The following SLC35D1 variants were observed in gnomAD, a reference collection of about 807,000 sequenced individuals.
The protein encoded by SLC35D1 is nucleotide sugar transporter SLC35D1.
SLC35D1 carries 31 observed loss-of-function variants against 46.7 expected under a neutral mutation model. The ratio of observed to expected loss-of-function variants is 0.66; its 90% CI spans 0.50 to 0.90. The LOEUF (loss-of-function observed/expected upper bound fraction) is 0.90, where lower values mean the gene tolerates loss of function less well. SLC35D1 is among the 40% of genes least tolerant of loss of function. The probability of loss-of-function intolerance (pLI) is 0.00; values close to 1 mark genes in which losing one functional copy is unlikely to be tolerated. For missense variants in SLC35D1, 397 were observed against 426.2 expected, an observed-to-expected ratio of 0.93 and a Z score of 0.60; for synonymous variants, 195 against 164.6, an observed-to-expected ratio of 1.18 and a Z score of -1.41.
intron 11 of SLC35D1, among the ~76,000 whole-genome samples, chr1:67,007,412 A>G (rs1667473577): frequency 6.6e-6 from 1 of 152,082 alleles, no homozygotes; most frequent in African/African-American, 2.4e-5. Context: ...CTACCTCCTA[A>G]TACCATGACT....
At chr1:66,984,777 T>A in the SLC35D1 span, 1 of 1,613,958 alleles carries the variant, frequency 6.2e-7, no homozygotes, top group Non-Finnish European at 8.5e-7. Context: ...ATGAAAAAAG[T>A]GAGAGACCTG....
rs1045551987 is a variant in SLC35D1, at chr1:67,050,513, A to T, written c.393-9T>A. The T allele has an allele frequency of 1.2e-6, 2 of 1,609,018 alleles. No individual in the cohort carries two copies. Among genetic ancestry groups the T allele is most frequent in the Non-Finnish European group, 1.7e-6 (2 of 1,176,184 alleles). On this transcript the variant is annotated splice_polypyrimidine_tract_variant and intron_variant, in intron 4 of 11. Transcript: ENST00000235345. ...CTGTAAACATTGGCAAGCTGGAAAA[A>T]AAAAAGATAATTAGGTAAAATAGAA...
intron 8 of SLC35D1, among the ~76,000 whole-genome samples, chr1:67,030,001 T>C (rs1558158956): frequency 6.6e-6 from 1 of 152,022 alleles, no homozygotes; most frequent in Non-Finnish European, 1.5e-5. Context: ...TCATTAGCTT[T>C]GCACTAAGTT....
chr1:67,001,321 A>G lies in SLC35D1; in HGVS notation c.*3019T>C, dbSNP rs186044259. 279 of 152,472 alleles carry G rather than the reference A, an allele frequency of 1.8e-3. 1 individual carries two copies. The highest frequency in any genetic ancestry group is 6.5e-3 in the African/African-American group (271 of 41,560). The allele number at this position is 152,472 out of a possible 1,614,324, so 9.4% of individuals were successfully genotyped here. The stretch of plus-strand genomic sequence containing the variant: ...AAGCGTGTAAATGCACTTTTTAAAA[A>G]AAAAAACTAGGTGCAAACTGGAGCC... On this transcript the variant is annotated 3_prime_UTR_variant, in exon 12 of 12. Transcript: ENST00000235345.
chr1:67,050,618 C>T lies in SLC35D1; in HGVS notation c.393-114G>A. ...ATTCTTCCATTATGGAAATTCCATA[C>T]AAATTAATTTATGGTTAAACCCCTG... On this transcript the variant is annotated intron_variant, in intron 4 of 11. Coordinates refer to ENST00000235345, the MANE Select transcript of SLC35D1 (RefSeq NM_015139.3). 3.5e-6 allele frequency: 3 copies of T among 861,122 alleles called. No homozygotes were observed. The South Asian group carries it at 4.6e-5, about 13-fold the overall frequency. 53.3% of individuals were successfully genotyped at this position (861,122 alleles called of 1,614,324 possible).
chr1:67,044,605 A>T (rs1645231228), intron 7 of SLC35D1, among the ~76,000 whole-genome samples: 1 of 152,216 alleles, frequency 6.6e-6, no homozygotes, highest in Admixed American at 6.5e-5. Context: ...TCACTCGATG[A>T]TAGTATTAAG....
At chr1:66,974,508 C>A in the SLC35D1 span, among the ~76,000 whole-genome samples, 1 of 151,668 alleles carries the variant, frequency 6.6e-6, no homozygotes, top group Non-Finnish European at 1.5e-5. Flanking sequence ...GCTGAATTAC[C>A]TAAGGAAGGG....
intron 8 of SLC35D1, among the ~76,000 whole-genome samples, chr1:67,022,055 A>G (rs1484866628): frequency 6.6e-6 from 1 of 152,198 alleles, no homozygotes; most frequent in African/African-American, 2.4e-5. Context: ...ATACAGCCTT[A>G]GTTATACAAA....
At chr1:67,021,700 G>GAC (rs1178697044) in intron 8 of SLC35D1, 98 bp from the exon 9 acceptor site, 3,156 of 180,354 alleles carry the variant, frequency 0.017, 63 homozygotes, top group East Asian at 0.055. Flanking sequence ...CTCCAACACA[G>GAC]ACACAGACAC....
chr1:67,050,387 T>G (rs747783849), intron 5 of SLC35D1, 46 bp downstream of exon 5: 149 of 1,429,148 alleles, frequency 1.0e-4, no homozygotes, highest in Non-Finnish European at 1.4e-4. Context: ...GCTGGGCACC[T>G]TTTCAAGGTG....
At chr1:67,015,628 A>T (rs1175855738) in intron 10 of SLC35D1, among the ~76,000 whole-genome samples, 2 of 152,192 alleles carry the variant, frequency 1.3e-5, no homozygotes, top group Non-Finnish European at 2.9e-5. Flanking sequence ...GCCTCAAATG[A>T]TCCCCCTGCC....
At chr1:67,037,640 C>T (rs1310345427) in intron 8 of SLC35D1, among the ~76,000 whole-genome samples, 1 of 152,148 alleles carries the variant, frequency 6.6e-6, no homozygotes, top group Non-Finnish European at 1.5e-5. Flanking sequence ...TTTCAATGTC[C>T]ACTTGAGGCA....
At position 67,049,774 on chromosome 1, in the gene SLC35D1, C is replaced by G; in HGVS notation, c.533+8G>C. The G allele has an allele frequency of 6.2e-7, 1 of 1,611,906 alleles. No individual in the cohort carries two copies. The highest frequency in any genetic ancestry group is 1.1e-5 in the South Asian group (1 of 90,984). ...TTATAATGTGCTAGTCATAGGCCCA[C>G]ATCTTACCTGGCAGCTACAAAGGCT... On this transcript the variant is annotated splice_region_variant and intron_variant, in intron 6 of 11. Coordinates refer to ENST00000235345, the MANE Select transcript of SLC35D1 (RefSeq NM_015139.3).
chr1:67,005,683 G>A (rs911594237), intron 11 of SLC35D1, among the ~76,000 whole-genome samples: 3 of 152,126 alleles, frequency 2.0e-5, no homozygotes, highest in African/African-American at 7.2e-5. Context: ...TTTTATAGAT[G>A]AGGAAAGTCC....
chr1:67,053,806 C>G lies in SLC35D1; in HGVS notation c.203+5G>C. 1.9e-6 allele frequency: 3 copies of G among 1,603,006 alleles called. No homozygotes were observed. Among genetic ancestry groups the G allele is most frequent in the Non-Finnish European group, 2.6e-6 (3 of 1,175,342 alleles). The stretch of plus-strand genomic sequence containing the variant: ...CGGCCTGGGCCGCCGCCGCCTCGGC[C>G]CTACCTGTAATTGGTGAGCACGCTC... On this transcript the variant is annotated splice_donor_5th_base_variant and intron_variant, in intron 1 of 11. Transcript: ENST00000235345.
Position 67,004,366 on chromosome 1 carries a change from C to T in SLC35D1, c.1042G>A (p.Asp348Asn). 6.2e-7 allele frequency: 1 copy of T among 1,614,060 alleles called. No homozygotes were observed. Among genetic ancestry groups the T allele is most frequent in the Middle Eastern group, 1.6e-4 (1 of 6,062 alleles). Residue 348 changes from aspartate (D) to asparagine (N), a missense_variant, in exon 12 of 12, where the codon GAC (aspartate) becomes AAC (asparagine). Asp to Asn is a conservative substitution (Grantham distance 23). Coordinates refer to ENST00000235345, the MANE Select transcript of SLC35D1 (RefSeq NM_015139.3). ...CACACTGCTCCTTTCCCCTTAATGT[C>T]CAGCTTGTTATTAGCCTCTGACTGT... Reference protein sequence around the residue: ...SKQSEANNKLDIKGKGAV With the variant: ...SKQSEANNKLNIKGKGAV
At chr1:67,039,531 G>A (rs1215634561) in intron 8 of SLC35D1, among the ~76,000 whole-genome samples, 1 of 145,652 alleles carries the variant, frequency 6.9e-6, no homozygotes, top group African/African-American at 2.5e-5. Flanking sequence ...GCGCGCGTGG[G>A]GGGTATTCTT....
intron 11 of SLC35D1, chr1:67,008,574 T>C (rs1570606906): frequency 2.9e-6 from 2 of 693,596 alleles, no homozygotes; most frequent in Non-Finnish European, 4.1e-6. Context: ...AAATCTACTT[T>C]ATCTGCTCTG....
chr1:66,997,919 A>T (rs144443920), downstream of SLC35D1, among the ~76,000 whole-genome samples: 11 of 151,944 alleles, frequency 7.2e-5, no homozygotes, highest in African/African-American at 1.7e-4. Flanking sequence ...CACCTCAAGC[A>T]TATGAAAAGA....
Sources: allele counts gnomAD v4.1 joint callset (sites outside exome capture counted in the v4.1 genomes callset), GRCh38; gene constraint gnomAD v4.1.1; transcripts MANE v1.5; gene names NCBI Gene and HGNC (gene_info 2026-07-23, HGNC 2026-07-21).